RAPGEF6: variants seen among roughly 807,000 people sequenced by gnomAD.
RAPGEF6 encodes Rap guanine nucleotide exchange factor 6, also known as PDZ domain containing guanine nucleotide exchange factor (GEF) 2.
In RAPGEF6, 56 loss-of-function variants were observed where a neutral mutation model predicts 171.4. The ratio of observed to expected loss-of-function variants is 0.33; its 90% CI spans 0.26 to 0.41. The LOEUF (loss-of-function observed/expected upper bound fraction) is 0.41, where lower values mean the gene tolerates loss of function less well. Among genes scored for constraint, RAPGEF6 ranks in the 10% least tolerant of loss-of-function variants. The pLI is 1.00. For synonymous variants in RAPGEF6, 692 were observed against 650.1 expected (o/e 1.06, Z -0.98); for missense variants, 1,674 against 1,921.4 (o/e 0.87, Z 2.41).
Position 131,486,079 on chromosome 5 carries a change from T to TTGA in RAPGEF6, c.1840+3466_1840+3467insTCA, listed in dbSNP as rs1321717331. Reference sequence around the variant, plus strand: ...TGTAAGTTTTTCTTGGTCACCTAGATGGTCAGTTAGGTACAGCGCACATCC... The same window carrying TTGA: ...TGTAAGTTTTTCTTGGTCACCTAGATTGAGGTCAGTTAGGTACAGCGCACATCC... On this transcript the variant is annotated intron_variant, in intron 15 of 27. Coordinates refer to ENST00000509018, the MANE Select transcript of RAPGEF6 (RefSeq NM_016340.6). Among the ~76,000 whole-genome samples, 10 of 152,384 alleles carry TTGA rather than the reference T, an allele frequency of 6.6e-5. No individual in the cohort carries two copies. In the East Asian group the frequency reaches 1.7e-3, roughly 26 times the overall value.
chr5:131,529,448 C>A (rs1482398207), intron 6 of RAPGEF6, among the ~76,000 whole-genome samples: 1 of 150,088 alleles, frequency 6.7e-6, no homozygotes, highest in Non-Finnish European at 1.5e-5. Context: ...TGCACTCCAG[C>A]CTGGGCGACA....
chr5:131,451,651 T>A lies in RAPGEF6; in HGVS notation c.3200+1403A>T, dbSNP rs185602814. 2.0e-5 allele frequency among the ~76,000 whole-genome samples: 3 copies of A among 152,254 alleles called. No homozygotes were observed. In the East Asian group the frequency reaches 5.8e-4, roughly 29 times the overall value. ...AACAAATAAAAAAAAACCCAGTGTA[T>A]CACTGGTTCTATTGGGTTACGAAAA... On this transcript the variant is annotated intron_variant, in intron 21 of 27. Coordinates refer to ENST00000509018, the MANE Select transcript of RAPGEF6 (RefSeq NM_016340.6).
intron 24 of RAPGEF6, among the ~76,000 whole-genome samples, chr5:131,435,244 A>T (rs530542129): frequency 6.6e-6 from 1 of 152,344 alleles, no homozygotes; most frequent in East Asian, 1.9e-4. Context: ...GAACAGGGTA[A>T]GCCAAGACAA....
chr5:131,461,914 G>A lies in RAPGEF6; in HGVS notation c.2655C>T (p.Ile885=), dbSNP rs371024199. 93 of 1,613,920 alleles carry A rather than the reference G, an allele frequency of 5.8e-5. No individual in the cohort carries two copies. The highest frequency in any genetic ancestry group is 2.8e-4 in the Admixed American group (17 of 59,976). The part of the protein sequence containing the change: ...LFRNIEPTEY[I]DDLFKLNSKT... The stretch of plus-strand genomic sequence containing the variant: ...TGGAATTTAACTTAAAAAGGTCATC[G>A]ATGTACTCAGTCGGTTCAATATTAC... The change falls in exon 19 of 28, where the codon ATC becomes ATT. Residue 885 remains isoleucine (I), a synonymous_variant. Transcript: ENST00000509018.
chr5:131,590,375 C>T (rs1223770607), intron 4 of RAPGEF6, among the ~76,000 whole-genome samples: 1 of 151,400 alleles, frequency 6.6e-6, no homozygotes, highest in African/African-American at 2.4e-5. Context: ...CCAGCCTGGG[C>T]AACAGCGACT....
At chr5:131,560,614 A>G (rs767597209) in intron 5 of RAPGEF6, among the ~76,000 whole-genome samples, 8 of 152,236 alleles carry the variant, frequency 5.3e-5, no homozygotes, top group African/African-American at 7.2e-5. Flanking sequence ...TCTAATAGGA[A>G]TCCCATATAT....
chr5:131,504,814 T>A (rs776852067), intron 10 of RAPGEF6, 36 bp from the exon 11 acceptor site: 1 of 1,572,582 alleles, frequency 6.4e-7, no homozygotes, highest in East Asian at 2.2e-5. Context: ...TTAATGAACC[T>A]ATAGTACATA....
chr5:131,633,453 G>A (rs1205122669), intron 1 of RAPGEF6, among the ~76,000 whole-genome samples: 1 of 151,892 alleles, frequency 6.6e-6, no homozygotes, highest in Non-Finnish European at 1.5e-5. Context: ...AAAGCAGCCG[G>A]GCAACTTGGC....
intron 6 of RAPGEF6, among the ~76,000 whole-genome samples, chr5:131,530,366 A>G (rs1016990995): frequency 6.6e-6 from 1 of 152,174 alleles, no homozygotes; most frequent in African/African-American, 2.4e-5. Flanking sequence ...GGCATTTATG[A>G]TTCATTCTTC....
intron 1 of RAPGEF6, among the ~76,000 whole-genome samples, chr5:131,620,982 C>G (rs972703882): frequency 2.0e-5 from 3 of 152,232 alleles, no homozygotes; most frequent in African/African-American, 4.8e-5. Flanking sequence ...TCCTCATGAT[C>G]TGGATCCTGA....
At chr5:131,548,304 G>A in intron 5 of RAPGEF6, 114 bp from the exon 6 acceptor site, 1 of 1,043,630 alleles carries the variant, frequency 9.6e-7, no homozygotes, top group Non-Finnish European at 1.4e-6. Context: ...ACAAGAAACT[G>A]CCTCAAGAAA....
At chr5:131,528,063 T>C (rs943671445) in intron 6 of RAPGEF6, among the ~76,000 whole-genome samples, 1 of 90,600 alleles carries the variant, frequency 1.1e-5, no homozygotes, top group Admixed American at 1.5e-4. Flanking sequence ...TAATATAATA[T>C]ATAAATTTAT....
At chr5:131,528,224 T>C (rs1208099887) in intron 6 of RAPGEF6, among the ~76,000 whole-genome samples, 1 of 110,982 alleles carries the variant, frequency 9.0e-6, no homozygotes, top group Non-Finnish European at 1.7e-5. Context: ...TAAAATAAAA[T>C]AATATATTTA....
intron 6 of RAPGEF6, among the ~76,000 whole-genome samples, chr5:131,523,279 C>CTTTTTTT (rs1171953953): frequency 1.5e-5 from 1 of 66,648 alleles, no homozygotes; most frequent in Non-Finnish European, 2.8e-5. Context: ...CTGTTGTATG[C>CTTTTTTT]TTTTTTTTTT....
At chr5:131,594,109 T>C (rs1763746952) in intron 3 of RAPGEF6, among the ~76,000 whole-genome samples, 1 of 152,244 alleles carries the variant, frequency 6.6e-6, no homozygotes, top group African/African-American at 2.4e-5. Flanking sequence ...AAATGATTCA[T>C]GGGCTGGGCC....
intron 1 of RAPGEF6, among the ~76,000 whole-genome samples, chr5:131,622,169 A>G (rs1343687971): frequency 1.3e-5 from 2 of 152,062 alleles, no homozygotes; most frequent in Admixed American, 6.6e-5. Context: ...CACTTGTGAC[A>G]CTCATAAACT....
intron 6 of RAPGEF6, among the ~76,000 whole-genome samples, chr5:131,542,586 T>G (rs1415152032): frequency 6.6e-6 from 1 of 152,104 alleles, no homozygotes; most frequent in Non-Finnish European, 1.5e-5. Flanking sequence ...AATAAACAAT[T>G]ACACTGCAAT....
intron 4 of RAPGEF6, among the ~76,000 whole-genome samples, chr5:131,574,898 T>C (rs1367944078): frequency 6.6e-6 from 1 of 152,176 alleles, no homozygotes; most frequent in African/African-American, 2.4e-5. Flanking sequence ...TAAAGCCTGT[T>C]ATCACTCACC....
intron 6 of RAPGEF6, among the ~76,000 whole-genome samples, chr5:131,542,365 T>C (rs868503995): frequency 6.6e-6 from 1 of 152,166 alleles, no homozygotes; most frequent in Admixed American, 6.5e-5. Context: ...CTTTTTTATA[T>C]ATTATCTCAT....
Sources: gnomAD v4.1 joint callset for allele counts (sites outside exome capture counted in the v4.1 genomes callset) on GRCh38, gnomAD v4.1.1 for gene constraint, MANE v1.5 for transcripts, NCBI Gene and HGNC (gene_info 2026-07-23, HGNC 2026-07-21) for gene names.